The following CDH18 variants were observed in gnomAD, a reference collection of about 807,000 sequenced individuals.
The protein encoded by CDH18 is cadherin-18.
CDH18 carries 31 observed loss-of-function variants against 67.9 expected under a neutral mutation model. The observed-to-expected ratio is 0.46, with a 90% CI of 0.34 to 0.62. CDH18 has a LOEUF of 0.62. CDH18 is among the 20% of genes least tolerant of loss of function. The pLI, the probability that CDH18 is intolerant of heterozygous loss-of-function variation, is 0.01. For synonymous variants in CDH18, 362 were observed against 347.2 expected (o/e 1.04, Z -0.48); for missense variants, 890 against 975.5 (o/e 0.91, Z 1.17).
chr5:20,333,900 A>T (rs1310297369), intron 1 of CDH18, among the ~76,000 whole-genome samples: 1 of 86,952 alleles, frequency 1.2e-5, no homozygotes, highest in Non-Finnish European at 3.2e-5. Flanking sequence ...CTAAAAAGAC[A>T]TAAGTTATTC....
At position 19,490,394 on chromosome 5, in the gene CDH18, G is replaced by GTTTT. The variant is rs70950073; in HGVS notation, c.1631-6846_1631-6843dup. ...TGATATATCACATATATAAAAATCT[G>GTTTT]TTTTTTTTTTTTTTTTTTTTTTTTT... On this transcript the variant is annotated intron_variant, in intron 11 of 12. Coordinates refer to ENST00000382275, the MANE Select transcript of CDH18 (RefSeq NM_004934.5). 6.4e-3 allele frequency among the ~76,000 whole-genome samples: 385 copies of GTTTT among 60,204 alleles called. 57 individuals are homozygous for GTTTT. The highest frequency in any genetic ancestry group is 0.012 in the Middle Eastern group (1 of 86). 39.5% of individuals were successfully genotyped at this position (60,204 alleles called of 152,430 possible).
intron 10 of CDH18, among the ~76,000 whole-genome samples, chr5:19,517,124 C>T (rs1295612597): frequency 6.6e-6 from 1 of 152,084 alleles, no homozygotes; most frequent in Non-Finnish European, 1.5e-5. Context: ...CTAATTTCTC[C>T]ACAATTTACC....
intron 1 of CDH18, among the ~76,000 whole-genome samples, chr5:20,313,447 T>G (rs1220045585): frequency 3.3e-5 from 5 of 152,116 alleles, no homozygotes; most frequent in Non-Finnish European, 5.9e-5. Flanking sequence ...TGTTTATGTT[T>G]TTTTCTCAAC....
rs547309713 is a variant in CDH18 at position 20,164,430 on chromosome 5, G to A, written c.-518+91014C>T. On this transcript the variant is annotated intron_variant, in intron 2 of 14. Transcript: ENST00000507958. ...GCCTCCCAAGTAGCCTGGGATTACA[G>A]GCACCTGCCACCACACCCGGCTAAT... Among the ~76,000 whole-genome samples the A allele has an allele frequency of 2.2e-3, 334 of 152,148 alleles. 2 individuals are homozygous for A. Among genetic ancestry groups the A allele is most frequent in the African/African-American group, 7.5e-3 (312 of 41,518 alleles).
intron 2 of CDH18, among the ~76,000 whole-genome samples, chr5:20,129,214 G>GA (rs111589992): frequency 1.3e-5 from 2 of 151,046 alleles, no homozygotes; most frequent in African/African-American, 4.9e-5. Context: ...AGAAAAATAA[G>GA]AAAAAAAATA....
intron 3 of CDH18, among the ~76,000 whole-genome samples, chr5:19,750,905 T>C (rs916393153): frequency 1.3e-5 from 2 of 151,898 alleles, no homozygotes; most frequent in Non-Finnish European, 2.9e-5. Flanking sequence ...ATAGACATTA[T>C]ATTGTCCTAA....
chr5:20,258,093 G>A (rs904216254), intron 1 of CDH18, among the ~76,000 whole-genome samples: 1 of 151,982 alleles, frequency 6.6e-6, no homozygotes, highest in Admixed American at 6.6e-5. Context: ...GTCCCTACAG[G>A]TTGTCCATAA....
chr5:20,500,400 C>A (rs1270256792), intron 1 of CDH18, among the ~76,000 whole-genome samples: 1 of 152,072 alleles, frequency 6.6e-6, no homozygotes, highest in East Asian at 1.9e-4. Flanking sequence ...GAAACAAATT[C>A]TAATATTTAA....
intron 1 of CDH18, among the ~76,000 whole-genome samples, chr5:20,279,581 C>G (rs1746066483): frequency 6.6e-6 from 1 of 151,254 alleles, no homozygotes; most frequent in South Asian, 2.1e-4. Context: ...CACCTGTAAT[C>G]CCAGCTACTT....
intron 2 of CDH18, among the ~76,000 whole-genome samples, chr5:20,245,294 T>G (rs889928540): frequency 6.6e-6 from 1 of 152,134 alleles, no homozygotes; most frequent in African/African-American, 2.4e-5. Flanking sequence ...CAAAAGAGGT[T>G]CTAAATCATT....
intron 2 of CDH18, among the ~76,000 whole-genome samples, chr5:20,126,279 A>G (rs897827306): frequency 2.1e-4 from 32 of 152,202 alleles, no homozygotes; most frequent in Non-Finnish European, 4.0e-4. Flanking sequence ...ATGAAATTAG[A>G]ATCTTTTCTT....
intron 2 of CDH18, among the ~76,000 whole-genome samples, chr5:19,885,952 T>C (rs1408781150): frequency 6.6e-6 from 1 of 152,204 alleles, no homozygotes; most frequent in African/African-American, 2.4e-5. Flanking sequence ...CTCAATAAAT[T>C]TGAGAGTGTG....
chr5:20,486,015 T>C (rs1753148178), intron 1 of CDH18, among the ~76,000 whole-genome samples: 1 of 152,164 alleles, frequency 6.6e-6, no homozygotes, highest in African/African-American at 2.4e-5. Context: ...AGAAGGGGCT[T>C]GTTATTTGGC....
At chr5:20,208,027 C>T (rs1014341191) in intron 2 of CDH18, among the ~76,000 whole-genome samples, 1 of 152,066 alleles carries the variant, frequency 6.6e-6, no homozygotes, top group Non-Finnish European at 1.5e-5. Flanking sequence ...TTAAAGCCAA[C>T]TTATTTTCAA....
At chr5:20,007,486 T>G (rs541225733) in intron 2 of CDH18, among the ~76,000 whole-genome samples, 1 of 152,212 alleles carries the variant, frequency 6.6e-6, no homozygotes, top group East Asian at 1.9e-4. Context: ...CAAGAAACTA[T>G]TACAGTTAAA....
chr5:19,769,768 T>A (rs1299366972), intron 3 of CDH18, among the ~76,000 whole-genome samples: 1 of 151,908 alleles, frequency 6.6e-6, no homozygotes, highest in Non-Finnish European at 1.5e-5. Flanking sequence ...AAAACTGTTG[T>A]GCTTCAAAAT....
chr5:20,157,410 T>G (rs1751615614), intron 2 of CDH18, among the ~76,000 whole-genome samples: 2 of 152,140 alleles, frequency 1.3e-5, no homozygotes. Flanking sequence ...ATCATTTAAA[T>G]GTTTGCTATG....
At position 19,647,592 on chromosome 5, in the gene CDH18, A is replaced by G. The variant is rs192076883; in HGVS notation, c.644-34991T>C. Among the ~76,000 whole-genome samples the G allele has an allele frequency of 2.0e-5, 3 of 147,960 alleles. No individual in the cohort carries two copies. The East Asian group carries it at 6.0e-4, about 30-fold the overall frequency. On this transcript the variant is annotated intron_variant, in intron 5 of 12. Transcript: ENST00000382275. ...ATTGTAGTGGACTCTGGAGGCTAGC[A>G]ACAAGCACATAGAGACATAGAGGCA...
At chr5:20,235,839 G>A (rs978920110) in intron 2 of CDH18, among the ~76,000 whole-genome samples, 9 of 152,134 alleles carry the variant, frequency 5.9e-5, no homozygotes, top group African/African-American at 2.2e-4. Flanking sequence ...GTACATCACA[G>A]CACTGTTTGT....
Sources: gnomAD v4.1 joint callset for allele counts (sites outside exome capture counted in the v4.1 genomes callset) on GRCh38, gnomAD v4.1.1 for gene constraint, MANE v1.5 for transcripts, NCBI Gene and HGNC (gene_info 2026-07-23, HGNC 2026-07-21) for gene names.